Variants in CHST9 observed in about 807,000 individuals in gnomAD.
The protein encoded by CHST9 is GalNAc-4-sulfotransferase 2.
Under a neutral mutation model 44.4 loss-of-function variants are expected in CHST9, and 41 were observed. The observed-to-expected ratio is 0.92, with a 90% confidence interval of 0.72 to 1.20. CHST9 has a LOEUF of 1.20. Ranked by LOEUF, CHST9 falls within the 50% of genes most tolerant of loss-of-function variation. The pLI is 0.00. For synonymous variants in CHST9, 171 were observed against 178.4 expected, an observed-to-expected ratio of 0.96 and a Z score of 0.33; for missense variants, 504 against 516.5, an observed-to-expected ratio of 0.98 and a Z score of 0.23.
chr18:26,998,174 A>G (rs1154209), intron 4 of CHST9, among the ~76,000 whole-genome samples: 52,936 of 151,976 alleles, frequency 0.35, 9,838 homozygotes, highest in East Asian at 0.47. Context: ...AGTCTGACTT[A>G]GCTCTCTCCG....
chr18:27,169,086 T>C (rs1386718420), intron 1 of CHST9, among the ~76,000 whole-genome samples: 2 of 152,168 alleles, frequency 1.3e-5, no homozygotes, highest in Non-Finnish European at 2.9e-5. Flanking sequence ...ACTCTGAGTT[T>C]CAGATGAGAA....
intron 4 of CHST9, among the ~76,000 whole-genome samples, chr18:26,998,752 A>AAAG (rs1555675421): frequency 5.6e-4 from 85 of 151,834 alleles, no homozygotes; most frequent in African/African-American, 1.9e-3. Flanking sequence ...AAAAAAAAAA[A>AAAG]AAAGAAAGAA....
chr18:27,022,810 G>C (rs1352728741), intron 4 of CHST9, among the ~76,000 whole-genome samples: 1 of 152,158 alleles, frequency 6.6e-6, no homozygotes, highest in African/African-American at 2.4e-5. Flanking sequence ...AAAGCACTTT[G>C]TTTTTTGGGA....
chr18:27,081,130 C>A (rs1477239731), intron 2 of CHST9, among the ~76,000 whole-genome samples: 1 of 152,072 alleles, frequency 6.6e-6, no homozygotes, highest in East Asian at 1.9e-4. Flanking sequence ...TTTAAAGAAT[C>A]AGTTCCAGCC....
chr18:27,156,084 T>C (rs1447302549), intron 1 of CHST9, among the ~76,000 whole-genome samples: 1 of 151,658 alleles, frequency 6.6e-6, no homozygotes, highest in Non-Finnish European at 1.5e-5. Context: ...AACAAACTTT[T>C]AATATACATT....
In CHST9 at chr18:27,114,460, T is replaced by A. The variant is rs1405777236; in HGVS notation, c.121+28229A>T. On this transcript the variant is annotated intron_variant, in intron 2 of 5. Transcript: ENST00000618847. ...ACTTTTTCAAAACTAACAGCTATAC[T>A]GAGGTATAATTTGCACACCATACAA... 2.0e-5 allele frequency among the ~76,000 whole-genome samples: 3 copies of A among 152,210 alleles called. No homozygotes were observed. In the East Asian group the frequency reaches 5.8e-4, roughly 29 times the overall value.
At chr18:26,990,889 G>A (rs2056808612) in intron 4 of CHST9, among the ~76,000 whole-genome samples, 2 of 151,988 alleles carry the variant, frequency 1.3e-5, no homozygotes, top group Admixed American at 1.3e-4. Context: ...TGCTCTTCAG[G>A]CCTATCTTAT....
chr18:27,098,067 A>G (rs2058134928), intron 2 of CHST9, among the ~76,000 whole-genome samples: 1 of 152,086 alleles, frequency 6.6e-6, no homozygotes, highest in African/African-American at 2.4e-5. Context: ...CCCATCTGAC[A>G]AACATCTAAT....
chr18:27,028,602 C>CAGT (rs2057307770), intron 3 of CHST9, among the ~76,000 whole-genome samples: 1 of 151,902 alleles, frequency 6.6e-6, no homozygotes, highest in Non-Finnish European at 1.5e-5. Context: ...GGCTGGAGTG[C>CAGT]AGTAGCACGA....
At chr18:26,989,616 T>C (rs2056792453) in intron 4 of CHST9, among the ~76,000 whole-genome samples, 1 of 152,212 alleles carries the variant, frequency 6.6e-6, no homozygotes, top group East Asian at 1.9e-4. Context: ...CAAACACTTG[T>C]AAACAAATGT....
chr18:26,918,519 A>ATG (rs2055582030), intron 5 of CHST9, among the ~76,000 whole-genome samples: 1 of 151,558 alleles, frequency 6.6e-6, no homozygotes, highest in African/African-American at 2.4e-5. Context: ...ATATATATAT[A>ATG]GTACATATAT....
chr18:27,140,789 G>A (rs1294208020), intron 2 of CHST9, among the ~76,000 whole-genome samples: 1 of 152,128 alleles, frequency 6.6e-6, no homozygotes, highest in Admixed American at 6.5e-5. Flanking sequence ...ACTACAGGTG[G>A]TTTCATTAAA....
At chr18:27,043,444 C>G (rs1464069423) in intron 3 of CHST9, among the ~76,000 whole-genome samples, 3 of 151,990 alleles carry the variant, frequency 2.0e-5, no homozygotes, top group South Asian at 2.1e-4. Context: ...AAACTTGTCT[C>G]TCTCCCCGTA....
chr18:26,957,421 G>A (rs1380450748), intron 4 of CHST9, among the ~76,000 whole-genome samples: 1 of 152,134 alleles, frequency 6.6e-6, no homozygotes, highest in Admixed American at 6.5e-5. Flanking sequence ...TGCTATCTCA[G>A]TACGTTTGTC....
intron 1 of CHST9, among the ~76,000 whole-genome samples, chr18:27,152,166 T>A (rs1008922306): frequency 6.6e-6 from 1 of 152,202 alleles, no homozygotes; most frequent in African/African-American, 2.4e-5. Context: ...ATACATCTTG[T>A]TGCTTTGATT....
chr18:27,154,093 C>T (rs961033069), intron 1 of CHST9, among the ~76,000 whole-genome samples: 1 of 152,102 alleles, frequency 6.6e-6, no homozygotes, highest in Non-Finnish European at 1.5e-5. Context: ...CAAGCCAATA[C>T]ATTTTTATTT....
At chr18:26,919,108 A>G (rs1015857497) in intron 5 of CHST9, among the ~76,000 whole-genome samples, 12 of 152,106 alleles carry the variant, frequency 7.9e-5, no homozygotes, top group African/African-American at 2.9e-4. Flanking sequence ...CGAGGACAGC[A>G]TGGGAAAAAC....
chr18:27,062,285 A>G (rs2057732120), intron 2 of CHST9, among the ~76,000 whole-genome samples: 1 of 152,006 alleles, frequency 6.6e-6, no homozygotes, highest in East Asian at 1.9e-4. Context: ...TACATTAGGT[A>G]TATCTCCTAA....
Position 27,112,578 on chromosome 18 carries a change from C to CGTGTGTGT in CHST9, c.121+30103_121+30110dup, listed in dbSNP as rs35249332. ...AGGATTTTAGATTAGGGATATTCAACGTGTGTGTGTGTGTGTGTGTGTGTG... is the reference window on the plus strand; with the variant it reads ...AGGATTTTAGATTAGGGATATTCAACGTGTGTGTGTGTGTGTGTGTGTGTGTGTGTGTG... On this transcript the variant is annotated intron_variant, in intron 2 of 5. Coordinates refer to ENST00000618847, the MANE Select transcript of CHST9 (RefSeq NM_031422.6). 2.7e-3 allele frequency among the ~76,000 whole-genome samples: 379 copies of CGTGTGTGT among 140,524 alleles called. 1 individual carries two copies. The highest frequency in any genetic ancestry group is 7.3e-3 in the Middle Eastern group (2 of 274). The allele number at this position is 140,524 out of a possible 152,430, so 92.2% of individuals were successfully genotyped here.
Sources: gnomAD v4.1 joint callset for allele counts (sites outside exome capture counted in the v4.1 genomes callset) on GRCh38, gnomAD v4.1.1 for gene constraint, MANE v1.5 for transcripts, NCBI Gene and HGNC (gene_info 2026-07-23, HGNC 2026-07-21) for gene names.